The following CLRN1 variants were observed in gnomAD, a reference collection of about 807,000 sequenced individuals.
CLRN1 encodes the protein clarin-1.
A neutral mutation model predicts 18.7 loss-of-function variants in CLRN1; 15 were observed. The ratio of observed to expected loss-of-function variants is 0.80; its 90% CI spans 0.54 to 1.23. The LOEUF (loss-of-function observed/expected upper bound fraction) is 1.23. Ranked by LOEUF, CLRN1 falls within the 50% of genes most tolerant of loss-of-function variation. The probability of loss-of-function intolerance (pLI) is 0.00; values close to 1 mark genes in which losing one functional copy is unlikely to be tolerated. For synonymous variants in CLRN1, 104 were observed against 102.9 expected, an observed-to-expected ratio of 1.01 and a Z score of -0.07; for missense variants, 311 against 277.5, an observed-to-expected ratio of 1.12 and a Z score of -0.86.
chr3:150,928,145 G>A lies in CLRN1; in HGVS notation c.490C>T (p.Leu164Phe). The A allele has an allele frequency of 1.2e-6, 2 of 1,613,708 alleles. No homozygotes were observed. Among genetic ancestry groups the A allele is most frequent in the African/African-American group, 1.3e-5 (1 of 74,988 alleles). Residue 164 changes from leucine (L) to phenylalanine (F), a missense_variant, in exon 3 of 3, where the codon CTC becomes TTC. Transcript: ENST00000327047. ...LFASEVKIHH[L>F]SEKIANYKEG... ...TTATAATTTGCAATTTTTTCTGAGA[G>A]GTGATGGATTTTCACTTCAGAGGCA...
intron 2 of CLRN1, among the ~76,000 whole-genome samples, 180 bp from the exon 3 acceptor site, chr3:150,928,381 C>T (rs1712948312): frequency 6.6e-6 from 1 of 152,088 alleles, no homozygotes; most frequent in Non-Finnish European, 1.5e-5. Flanking sequence ...GGTGGTAGGG[C>T]TTGGGTTATG....
intron 1 of CLRN1, among the ~76,000 whole-genome samples, chr3:150,947,320 C>G (rs1046313764): frequency 6.6e-6 from 1 of 152,052 alleles, no homozygotes; most frequent in Non-Finnish European, 1.5e-5. Flanking sequence ...AAGGGCGTTA[C>G]ATAATGGTAA....
At chr3:150,945,607 C>T in intron 1 of CLRN1, 2 of 1,287,056 alleles carry the variant, frequency 1.6e-6, no homozygotes, top group South Asian at 1.2e-5. Context: ...ATGGTGTTTA[C>T]CAGTGTCCTC....
intron 2 of CLRN1, chr3:150,940,375 C>G (rs1443971756): frequency 8.9e-6 from 9 of 1,011,374 alleles, no homozygotes; most frequent in African/African-American, 1.6e-5. Context: ...AAGTGACCTC[C>G]TGTTAACTAC....
intron 1 of CLRN1, among the ~76,000 whole-genome samples, chr3:150,968,902 G>C (rs1194155767): frequency 6.6e-6 from 1 of 151,932 alleles, no homozygotes; most frequent in Non-Finnish European, 1.5e-5. Context: ...ACCATACTTA[G>C]GGACCTCCTC....
intron 2 of CLRN1, 22 bp from the exon 3 acceptor site, chr3:150,928,223 G>A: frequency 3.1e-6 from 5 of 1,613,446 alleles, no homozygotes; most frequent in Non-Finnish European, 4.2e-6. Flanking sequence ...GAAACAAGGT[G>A]TTGGGACAAA....
intron 1 of CLRN1, among the ~76,000 whole-genome samples, chr3:150,953,053 C>T (rs2107969935): frequency 6.6e-6 from 1 of 152,252 alleles, no homozygotes; most frequent in Middle Eastern, 3.4e-3. Flanking sequence ...TTGGTTGAAG[C>T]TGAGAGCAGA....
chr3:150,959,545 CTT>C (rs1255697506), intron 1 of CLRN1, among the ~76,000 whole-genome samples: 1 of 150,566 alleles, frequency 6.6e-6, no homozygotes, highest in Non-Finnish European at 1.5e-5. Context: ...AGGAGAATCT[CTT>C]CAGCCCAAGA....
At chr3:150,943,555 C>T (rs1376240738) in intron 1 of CLRN1, among the ~76,000 whole-genome samples, 2 of 152,220 alleles carry the variant, frequency 1.3e-5, no homozygotes, top group Non-Finnish European at 2.9e-5. Flanking sequence ...ACTTTCATTG[C>T]TAATTCTCTG....
rs941193730 is a variant in CLRN1, at chr3:150,941,890, CACTT to C, written c.254-133_254-130del. ...AAAATCCTTCTGATGAATACATTCT[CACTT>C]ACTAACTTATAAGGGGTTTACAAAA... On this transcript the variant is annotated intron_variant, in intron 1 of 2. Coordinates refer to ENST00000327047, the MANE Select transcript of CLRN1 (RefSeq NM_174878.3). 10 of 833,824 alleles carry C rather than the reference CACTT, an allele frequency of 1.2e-5. No individual in the cohort carries two copies. The African/African-American group carries it at 1.5e-4, about 13-fold the overall frequency. 51.7% of individuals were successfully genotyped at this position (833,824 alleles called of 1,614,324 possible).
Position 150,948,653 on chromosome 3 carries a change from G to A in CLRN1, c.254-6892C>T, listed in dbSNP as rs574152619. Among the ~76,000 whole-genome samples, 4 of 151,156 alleles carry A rather than the reference G, an allele frequency of 2.6e-5. No individual in the cohort carries two copies. The East Asian group carries it at 7.9e-4, about 30-fold the overall frequency. ...GGATACATACACCTTCCCAAGACTG[G>A]ACCAGGAAAAAACCGACTCCACTTC... On this transcript the variant is annotated intron_variant, in intron 1 of 2. Coordinates refer to ENST00000327047, the MANE Select transcript of CLRN1 (RefSeq NM_174878.3).
intron 1 of CLRN1, among the ~76,000 whole-genome samples, chr3:150,947,416 T>C (rs1357984703): frequency 6.6e-6 from 1 of 152,184 alleles, no homozygotes; most frequent in Non-Finnish European, 1.5e-5. Flanking sequence ...AGCAAGTTCT[T>C]AGAGACCTAT....
chr3:150,965,321 T>A (rs4680089), intron 1 of CLRN1, among the ~76,000 whole-genome samples: 66,245 of 151,992 alleles, frequency 0.44, 15,242 homozygotes, highest in Non-Finnish European at 0.53. Context: ...AGATAATACA[T>A]ACAAAATGCC....
At position 150,927,781 on chromosome 3, in the gene CLRN1, C is replaced by G. The variant is rs1712893331; in HGVS notation, c.*155G>C. On this transcript the variant is annotated 3_prime_UTR_variant, in exon 3 of 3. Coordinates refer to ENST00000327047, the MANE Select transcript of CLRN1 (RefSeq NM_174878.3). ...GCCTTCCTTCTGCTTCCCTTACTTT[C>G]CAGCCTGTATCCTTAGTACGTAATT... 2 of 1,007,286 alleles carry G rather than the reference C, an allele frequency of 2.0e-6. No individual in the cohort carries two copies. Among genetic ancestry groups the G allele is most frequent in the Non-Finnish European group, 3.0e-6 (2 of 657,634 alleles). The allele number at this position is 1,007,286 out of a possible 1,614,324, so 62.4% of individuals were successfully genotyped here.
chr3:150,942,530 T>C, intron 1 of CLRN1: 1 of 436,000 alleles, frequency 2.3e-6, no homozygotes, highest in Non-Finnish European at 4.6e-6. Flanking sequence ...TATCAAGTGC[T>C]TAAGTTATTC....
chr3:150,961,821 C>T lies in CLRN1; in HGVS notation c.253+10635G>A, dbSNP rs191469212. On this transcript the variant is annotated intron_variant, in intron 1 of 2. Transcript: ENST00000327047. ...TCCAGTAAAAGACATTCTCTGACAT[C>T]AGCTCAATGCATTCATCTCCTTTAA... Among the ~76,000 whole-genome samples the T allele has an allele frequency of 4.6e-3, 705 of 152,296 alleles. 4 individuals carry two copies. Among genetic ancestry groups the T allele is most frequent in the Non-Finnish European group, 6.6e-3 (450 of 68,028 alleles).
At chr3:150,947,953 C>A (rs1714262246) in intron 1 of CLRN1, among the ~76,000 whole-genome samples, 1 of 152,070 alleles carries the variant, frequency 6.6e-6, no homozygotes, top group Admixed American at 6.5e-5. Context: ...AAAGTTAGAT[C>A]TCAAACTAAC....
chr3:150,947,017 T>C (rs965643353), intron 1 of CLRN1, among the ~76,000 whole-genome samples: 1 of 151,124 alleles, frequency 6.6e-6, no homozygotes, highest in African/African-American at 2.4e-5. Flanking sequence ...AAATTGGACA[T>C]GGACTGAGTA....
At chr3:150,953,285 G>A (rs1473834126) in intron 1 of CLRN1, among the ~76,000 whole-genome samples, 4 of 152,134 alleles carry the variant, frequency 2.6e-5, no homozygotes, top group Admixed American at 6.5e-5. Context: ...ACAACACACA[G>A]CCGATGCCAC....
Sources: gnomAD v4.1 joint callset for allele counts (sites outside exome capture counted in the v4.1 genomes callset) on GRCh38, gnomAD v4.1.1 for gene constraint, MANE v1.5 for transcripts, NCBI Gene and HGNC (gene_info 2026-07-23, HGNC 2026-07-21) for gene names.